PDE10A: variants seen among roughly 807,000 people sequenced by gnomAD.
PDE10A encodes cAMP and cAMP-inhibited cGMP 3',5'-cyclic phosphodiesterase 10A.
In PDE10A, 39 loss-of-function variants were observed where a neutral mutation model predicts 97.7. The ratio of observed to expected loss-of-function variants is 0.40; its 90% CI spans 0.31 to 0.52. The LOEUF (loss-of-function observed/expected upper bound fraction) is 0.52. PDE10A is among the 20% of genes least tolerant of loss of function. The pLI is 0.56. For synonymous variants in PDE10A, 371 were observed against 376.8 expected (o/e 0.98, Z 0.18); for missense variants, 731 against 1,047.8 (o/e 0.70, Z 4.17).
intron 18 of PDE10A, among the ~76,000 whole-genome samples, chr6:165,349,405 C>T (rs1782541739): frequency 1.0e-5 from 1 of 99,456 alleles, no homozygotes; most frequent in Non-Finnish European, 1.9e-5. Flanking sequence ...TGCCCCTGCC[C>T]TAGGAACTGT....
intron 11 of PDE10A, among the ~76,000 whole-genome samples, chr6:165,417,142 A>C (rs1364006371): frequency 6.6e-6 from 1 of 152,242 alleles, no homozygotes; most frequent in African/African-American, 2.4e-5. Flanking sequence ...GACTATCAGA[A>C]AAACTCAAAA....
intron 1 of PDE10A, among the ~76,000 whole-genome samples, chr6:165,795,647 G>T (rs1778808406): frequency 1.3e-5 from 2 of 152,122 alleles, no homozygotes; most frequent in African/African-American, 4.8e-5. Context: ...AGCTACTCGG[G>T]AGGCTGAGGC....
intron 2 of PDE10A, among the ~76,000 whole-genome samples, chr6:165,484,985 G>C (rs1472204823): frequency 1.3e-5 from 2 of 152,114 alleles, no homozygotes; most frequent in Non-Finnish European, 2.9e-5. Flanking sequence ...GAAAGCAGAA[G>C]ACTCCAAGAC....
intron 1 of PDE10A, among the ~76,000 whole-genome samples, chr6:165,770,503 T>G (rs1223944728): frequency 2.6e-5 from 4 of 152,216 alleles, no homozygotes; most frequent in Admixed American, 6.5e-5. Flanking sequence ...GGAGGTAATC[T>G]TTTATTCAAG....
intron 1 of PDE10A, among the ~76,000 whole-genome samples, chr6:165,827,611 T>C (rs1779798779): frequency 6.6e-6 from 1 of 152,226 alleles, no homozygotes; most frequent in South Asian, 2.1e-4. Context: ...CTACTGAACA[T>C]ACATTATGTA....
chr6:165,827,378 G>C (rs1779792753), intron 1 of PDE10A, among the ~76,000 whole-genome samples: 1 of 152,224 alleles, frequency 6.6e-6, no homozygotes, highest in African/African-American at 2.4e-5. Context: ...ACAGCGCCAA[G>C]CTCCACCCCG....
chr6:165,598,748 G>GA (rs374168479), intron 1 of PDE10A, among the ~76,000 whole-genome samples: 4 of 151,890 alleles, frequency 2.6e-5, no homozygotes, highest in African/African-American at 4.8e-5. Context: ...AATTTTCAAA[G>GA]AAAAAAATCC....
chr6:165,683,432 A>G (rs189492188), intron 1 of PDE10A, among the ~76,000 whole-genome samples: 19 of 152,262 alleles, frequency 1.2e-4, no homozygotes, highest in East Asian at 1.2e-3. Flanking sequence ...ACACACACAC[A>G]CGCGCTCACA....
chr6:165,506,806 T>C (rs117606469), intron 2 of PDE10A, among the ~76,000 whole-genome samples: 130 of 152,272 alleles, frequency 8.5e-4, no homozygotes, highest in Non-Finnish European at 8.7e-4. Flanking sequence ...AAATAACACA[T>C]TGGTTTCTCT....
chr6:165,410,366 T>C (rs908592450), intron 13 of PDE10A, among the ~76,000 whole-genome samples: 32 of 152,352 alleles, frequency 2.1e-4, no homozygotes, highest in African/African-American at 6.7e-4. Context: ...ACTTTATTAA[T>C]GGAAGCAATT....
At chr6:165,752,006 G>A (rs930739712) in intron 1 of PDE10A, among the ~76,000 whole-genome samples, 1 of 151,838 alleles carries the variant, frequency 6.6e-6, no homozygotes, top group East Asian at 1.9e-4. Flanking sequence ...AGCCAGGCAT[G>A]GTGACGGGCA....
chr6:165,822,741 C>A (rs982668061), intron 1 of PDE10A, among the ~76,000 whole-genome samples: 4 of 152,158 alleles, frequency 2.6e-5, no homozygotes, highest in Admixed American at 1.3e-4. Flanking sequence ...CTACTGTGCA[C>A]TTTATCAACA....
chr6:165,623,586 T>C (rs925056881), intron 1 of PDE10A, among the ~76,000 whole-genome samples: 8 of 152,108 alleles, frequency 5.3e-5, no homozygotes, highest in Non-Finnish European at 1.0e-4. Context: ...TAAAATATAA[T>C]ACAAAATTAT....
chr6:165,768,012 A>AT (rs1777910647), intron 1 of PDE10A, among the ~76,000 whole-genome samples: 1 of 151,930 alleles, frequency 6.6e-6, no homozygotes, highest in African/African-American at 2.4e-5. Flanking sequence ...TGTGGTTTTG[A>AT]TTTGTATTTC....
intron 13 of PDE10A, among the ~76,000 whole-genome samples, chr6:165,411,277 A>AT (rs1787804374): frequency 6.6e-6 from 1 of 151,860 alleles, no homozygotes; most frequent in African/African-American, 2.4e-5. Context: ...AAATTCATGT[A>AT]TTAAAGCCTA....
chr6:165,664,069 T>C (rs932049049), upstream of PDE10A, among the ~76,000 whole-genome samples: 1 of 152,110 alleles, frequency 6.6e-6, no homozygotes, highest in Non-Finnish European at 1.5e-5. Context: ...TGTTCCACGG[T>C]GGCACGGGCT....
At chr6:165,779,622 T>A (rs1778292092) in intron 1 of PDE10A, among the ~76,000 whole-genome samples, 1 of 152,264 alleles carries the variant, frequency 6.6e-6, no homozygotes, top group Non-Finnish European at 1.5e-5. Flanking sequence ...GGGTGGTGGC[T>A]ACAAAGTTGA....
chr6:165,699,820 G>A (rs1056307045), intron 1 of PDE10A, among the ~76,000 whole-genome samples: 3 of 152,064 alleles, frequency 2.0e-5, no homozygotes, highest in Non-Finnish European at 4.4e-5. Flanking sequence ...CTTATGGGAC[G>A]CAGCTAAAAC....
chr6:165,808,644 A>AT (rs1214216315), intron 1 of PDE10A, among the ~76,000 whole-genome samples: 1 of 152,158 alleles, frequency 6.6e-6, no homozygotes, highest in Non-Finnish European at 1.5e-5. Flanking sequence ...CATATCTTAC[A>AT]TTTTTTGGTA....
Sources: gnomAD v4.1 joint callset for allele counts (sites outside exome capture counted in the v4.1 genomes callset) on GRCh38, gnomAD v4.1.1 for gene constraint, MANE v1.5 for transcripts, NCBI Gene and HGNC (gene_info 2026-07-23, HGNC 2026-07-21) for gene names.